Variants in FANCD2 observed in about 807,000 individuals in gnomAD.
FANCD2 encodes FA complementation group D2.
In FANCD2, 131 loss-of-function variants were observed where a neutral mutation model predicts 192.3. The ratio of observed to expected loss-of-function variants is 0.68; its 90% CI spans 0.59 to 0.79. The LOEUF (loss-of-function observed/expected upper bound fraction) is 0.79, where lower values mean the gene tolerates loss of function less well. FANCD2 is among the 30% of genes least tolerant of loss of function. The pLI, the probability that FANCD2 is intolerant of heterozygous loss-of-function variation, is 0.00. For synonymous variants in FANCD2, 524 were observed against 612.5 expected, an observed-to-expected ratio of 0.86 and a Z score of 2.13; for missense variants, 1,508 against 1,701.6, an observed-to-expected ratio of 0.89 and a Z score of 2.00.
chr3:10,081,344 A>G lies in FANCD2; in HGVS notation c.3106-2A>G, dbSNP rs1323882322. The stretch of plus-strand genomic sequence containing the variant: ...CTGTCCTAAAATCATTTTTATTTTT[A>G]GTGTTTAGCTGCTGAGAATCACGGT... On this transcript the variant is annotated splice_acceptor_variant, in intron 31 of 43. Transcript: ENST00000675286. LOFTEE classifies it high-confidence loss of function. The G allele has an allele frequency of 6.2e-7, 1 of 1,613,282 alleles. No homozygotes were observed. The highest frequency in any genetic ancestry group is 8.5e-7 in the Non-Finnish European group (1 of 1,179,216).
chr3:10,078,704 C>T (rs1362435059), intron 30 of FANCD2, among the ~76,000 whole-genome samples: 2 of 151,672 alleles, frequency 1.3e-5, no homozygotes, highest in Non-Finnish European at 2.9e-5. Flanking sequence ...TGGCTCACGC[C>T]TGTAATGCCA....
chr3:10,066,747 CAG>C (rs2087729676), intron 25 of FANCD2, among the ~76,000 whole-genome samples: 1 of 151,946 alleles, frequency 6.6e-6, no homozygotes, highest in South Asian at 2.1e-4. Context: ...TTTTTTGAGA[CAG>C]AGTCTTGCTC....
chr3:10,043,162 A>C lies in FANCD2; in HGVS notation c.989+12A>C, dbSNP rs1206042213. On this transcript the variant is annotated intron_variant, in intron 12 of 43. Coordinates refer to ENST00000675286, the MANE Select transcript of FANCD2 (RefSeq NM_001018115.3). ...AAAGGACGAGCAAGGTAAAGAGCTCATCCTCACACAGGATGTCACAATTTT... is the reference window on the plus strand; with the variant it reads ...AAAGGACGAGCAAGGTAAAGAGCTCCTCCTCACACAGGATGTCACAATTTT... 3 of 1,605,480 alleles carry C rather than the reference A, an allele frequency of 1.9e-6. No individual in the cohort carries two copies. The highest frequency in any genetic ancestry group is 1.7e-6 in the Non-Finnish European group (2 of 1,172,106).
At chr3:10,088,260 TTATGTC>T (rs561925804) in intron 34 of FANCD2, among the ~76,000 whole-genome samples, 183 bp from the exon 35 acceptor site, 1 of 152,140 alleles carries the variant, frequency 6.6e-6, no homozygotes, top group Non-Finnish European at 1.5e-5. Context: ...GCAAATGAGT[TTATGTC>T]TGGCAAAAGG....
intron 23 of FANCD2, 61 bp downstream of exon 23, chr3:10,064,936 C>T: frequency 1.9e-6 from 3 of 1,573,210 alleles, no homozygotes. Flanking sequence ...GGGAATTCCA[C>T]AGCTCTTGGT....
intron 43 of FANCD2, among the ~76,000 whole-genome samples, chr3:10,100,314 C>A (rs1467999149): frequency 1.3e-5 from 2 of 152,234 alleles, no homozygotes; most frequent in Non-Finnish European, 2.9e-5. Context: ...ATCTCTCATA[C>A]TAGTATCGTA....
intron 28 of FANCD2, 62 bp downstream of exon 28, chr3:10,073,424 A>G: frequency 8.0e-7 from 1 of 1,245,644 alleles, no homozygotes. Context: ...ACAGAAACCC[A>G]GCTTTATTCT....
chr3:10,041,763 A>G, intron 10 of FANCD2, 53 bp downstream of exon 10: 1 of 1,244,692 alleles, frequency 8.0e-7, no homozygotes, highest in Non-Finnish European at 1.2e-6. Flanking sequence ...ACCTCCCAGA[A>G]CAAGTGTCAG....
At chr3:10,085,685 C>G in intron 32 of FANCD2, 127 bp from the exon 33 acceptor site, 1 of 746,508 alleles carries the variant, frequency 1.3e-6, no homozygotes, top group South Asian at 1.4e-5. Flanking sequence ...CCACCACGCC[C>G]GACCTCTCAA....
At chr3:10,042,913 C>G in intron 11 of FANCD2, 137 bp from the exon 12 acceptor site, 1 of 849,038 alleles carries the variant, frequency 1.2e-6, no homozygotes, top group South Asian at 1.5e-5. Flanking sequence ...ATTCTCATAA[C>G]TCTATTTTTC....
Position 10,036,303 on chromosome 3 carries a change from C to A in FANCD2, c.455C>A (p.Thr152Asn), listed in dbSNP as rs150444770. 1.9e-6 allele frequency: 3 copies of A among 1,612,712 alleles called. No individual in the cohort carries two copies. The East Asian group carries it at 6.7e-5, about 36-fold the overall frequency. ...IDILQPAIIK[T>N]LFEKLPEYFF... ...CTTTTTTAGCCTGCCATTATCAAAA[C>A]CTTATTTGAGAAGTTGCCAGAATAT... The change falls in exon 7 of 44, where the codon ACC becomes AAC. Residue 152 changes from threonine (T) to asparagine (N), a missense_variant. Physicochemically the swap from Thr to Asn is moderately conservative, Grantham distance 65 (BLOSUM62 0). Coordinates refer to ENST00000675286, the MANE Select transcript of FANCD2 (RefSeq NM_001018115.3).
At chr3:10,084,983 G>A (rs186428466) in intron 32 of FANCD2, among the ~76,000 whole-genome samples, 2 of 152,316 alleles carry the variant, frequency 1.3e-5, no homozygotes, top group Admixed American at 1.3e-4. Context: ...ATTGATAGGG[G>A]CCTGGCCAAA....
chr3:10,032,722 A>G, intron 2 of FANCD2, 110 bp from the exon 3 acceptor site: 2 of 917,014 alleles, frequency 2.2e-6, no homozygotes, highest in Non-Finnish European at 3.5e-6. Context: ...CAATCCTAGT[A>G]TAATTTTTAA....
chr3:10,040,777 A>C, intron 9 of FANCD2: 1 of 337,680 alleles, frequency 3.0e-6, no homozygotes, highest in Non-Finnish European at 5.8e-6. Flanking sequence ...CAAAACATCC[A>C]GTGATTTCTT....
chr3:10,072,549 G>C (rs113336560), intron 26 of FANCD2, among the ~76,000 whole-genome samples: 21 of 152,280 alleles, frequency 1.4e-4, no homozygotes, highest in African/African-American at 5.1e-4. Context: ...AAAGTGCTTG[G>C]GGTTACAGGC....
At chr3:10,091,471 CAAAAAGAAAAA>C (rs1007756349) in intron 37 of FANCD2, among the ~76,000 whole-genome samples, 2 of 147,286 alleles carry the variant, frequency 1.4e-5, no homozygotes, top group African/African-American at 5.0e-5. Context: ...GACCCTGTCT[CAAAAAGAAAAA>C]AAAAAGAAAA....
intron 7 of FANCD2, among the ~76,000 whole-genome samples, chr3:10,036,683 ATT>A (rs113017725): frequency 4.2e-5 from 6 of 144,370 alleles, no homozygotes; most frequent in African/African-American, 5.0e-5. Context: ...TCAAAACAGA[ATT>A]TTTTTTTTTT....
chr3:10,090,505 A>C (rs977618164), intron 37 of FANCD2, 120 bp downstream of exon 37: 4 of 639,476 alleles, frequency 6.3e-6, no homozygotes, highest in Non-Finnish European at 1.0e-5. Flanking sequence ...TGTTGCCCAG[A>C]CTGGAGTGCA....
chr3:10,034,943 C>A lies in FANCD2; in HGVS notation c.377+145C>A, dbSNP rs35857570. 77 of 760,956 alleles carry A rather than the reference C, an allele frequency of 1.0e-4. No individual in the cohort carries two copies. In the African/African-American group the frequency reaches 1.3e-3, roughly 13 times the overall value. The allele number at this position is 760,956 out of a possible 1,614,324, so 47.1% of individuals were successfully genotyped here. ...CAGAGTTTAAACTAAGTTTAAAATT[C>A]CTAAGCTTGTGGTTATGAGCCTAAC... On this transcript the variant is annotated intron_variant, in intron 5 of 43. Transcript: ENST00000675286.
Sources: allele counts gnomAD v4.1 joint callset (sites outside exome capture counted in the v4.1 genomes callset), GRCh38; gene constraint gnomAD v4.1.1; transcripts MANE v1.5; gene names NCBI Gene and HGNC (gene_info 2026-07-23, HGNC 2026-07-21).